Variants in NR5A2 observed in about 807,000 individuals in gnomAD.
The protein encoded by NR5A2 is CYP7A promoter-binding factor.
In NR5A2, 26 loss-of-function variants were observed where a neutral mutation model predicts 62.7. The ratio of observed to expected loss-of-function variants is 0.41; its 90% confidence interval spans 0.30 to 0.58. The LOEUF (loss-of-function observed/expected upper bound fraction) is 0.58. Ranked by LOEUF, NR5A2 falls within the 20% of genes least tolerant of loss-of-function variation. The pLI, the probability that NR5A2 is intolerant of heterozygous loss-of-function variation, is 0.22. For missense variants in NR5A2, 541 were observed against 669.1 expected, an observed-to-expected ratio of 0.81 and a Z score of 2.11; for synonymous variants, 246 against 241.7, an observed-to-expected ratio of 1.02 and a Z score of -0.16.
chr1:200,114,766 C>T (rs1666138253), intron 6 of NR5A2, among the ~76,000 whole-genome samples: 1 of 152,044 alleles, frequency 6.6e-6, no homozygotes, highest in South Asian at 2.1e-4. Flanking sequence ...GGAACCAAGG[C>T]AAAGAAAGAT....
Position 200,042,884 on chromosome 1 carries a change from C to T in NR5A2, c.203-890C>T, listed in dbSNP as rs938571935. ...TCGTGGGTCTGCGTCCGGAGCAAGGCGGTTACCCGATCCCGGCAGTGAGCC... is the reference window on the plus strand; with the variant it reads ...TCGTGGGTCTGCGTCCGGAGCAAGGTGGTTACCCGATCCCGGCAGTGAGCC... On this transcript the variant is annotated intron_variant, in intron 2 of 7. Coordinates refer to ENST00000367362, the MANE Select transcript of NR5A2 (RefSeq NM_205860.3). The T allele has an allele frequency of 5.1e-6, 5 of 985,386 alleles. No individual in the cohort carries two copies. The African/African-American group carries it at 8.7e-5, about 17-fold the overall frequency. 61.0% of individuals were successfully genotyped at this position (985,386 alleles called of 1,614,324 possible).
chr1:200,054,033 T>C (rs1662794217), intron 5 of NR5A2: 1 of 152,164 alleles, frequency 6.6e-6, no homozygotes, highest in South Asian at 2.1e-4. Context: ...TACGTATGCT[T>C]GTCGAGATAG....
chr1:200,036,136 G>A (rs1197007288), intron 1 of NR5A2, among the ~76,000 whole-genome samples: 1 of 152,120 alleles, frequency 6.6e-6, no homozygotes, highest in Non-Finnish European at 1.5e-5. Flanking sequence ...CGCTGGCGCC[G>A]GCGTTTAGAC....
intron 5 of NR5A2, among the ~76,000 whole-genome samples, chr1:200,096,348 A>G (rs1665097914): frequency 6.6e-6 from 1 of 152,170 alleles, no homozygotes; most frequent in Admixed American, 6.6e-5. Context: ...TCAGCCTCCC[A>G]AAGTGCTGAG....
At chr1:200,114,097 C>A (rs928160974) in intron 6 of NR5A2, among the ~76,000 whole-genome samples, 1 of 151,988 alleles carries the variant, frequency 6.6e-6, no homozygotes, top group Non-Finnish European at 1.5e-5. Context: ...GCAGGAGAAT[C>A]GCTTGAACCC....
rs79494953 is a variant in NR5A2 at position 200,129,922 on chromosome 1, T to C, written c.1378+8967T>C. On this transcript the variant is annotated intron_variant, in intron 7 of 7. Transcript: ENST00000367362. ...GAAAGGAAGTGTATGGGGGGCACTG[T>C]TGGAGTCTGAGTGCTCCCTTCCCTC... 1.9e-3 allele frequency among the ~76,000 whole-genome samples: 292 copies of C among 152,312 alleles called. 4 individuals are homozygous for C. The East Asian group carries it at 0.045, about 23-fold the overall frequency.
chr1:200,031,571 CTTTTTTTTTTTT>C (rs530174677), intron 1 of NR5A2, among the ~76,000 whole-genome samples: 3 of 89,532 alleles, frequency 3.4e-5, no homozygotes, highest in African/African-American at 1.4e-4. Flanking sequence ...TCTTTAACAC[CTTTTTTTTTTTT>C]TTTTTTTTTT....
chr1:200,053,567 A>ACG (rs201001808), intron 5 of NR5A2, among the ~76,000 whole-genome samples: 15,409 of 108,486 alleles, frequency 0.14, 894 homozygotes, highest in African/African-American at 0.2. Context: ...CAGCATGCAC[A>ACG]CGCACACACA....
intron 4 of NR5A2, among the ~76,000 whole-genome samples, chr1:200,046,983 A>G (rs1246820942): frequency 1.3e-5 from 2 of 152,222 alleles, no homozygotes; most frequent in Non-Finnish European, 2.9e-5. Context: ...TCCAGATGAA[A>G]AACTCTTTAT....
intron 5 of NR5A2, among the ~76,000 whole-genome samples, chr1:200,089,840 T>C (rs371810077): frequency 1.4e-4 from 21 of 152,356 alleles, no homozygotes; most frequent in African/African-American, 4.8e-4. Context: ...GGTTTGATCA[T>C]ATCACTCACA....
At chr1:200,146,939 T>C (rs886791524) in intron 7 of NR5A2, among the ~76,000 whole-genome samples, 20 of 150,340 alleles carry the variant, frequency 1.3e-4, no homozygotes, top group Non-Finnish European at 2.8e-4. Context: ...TATCCTTATG[T>C]ATGTATCCTT....
Position 200,094,524 on chromosome 1 carries a change from C to CTTTTTT in NR5A2, c.1111-16657_1111-16652dup, listed in dbSNP as rs373809748. On this transcript the variant is annotated intron_variant, in intron 5 of 7. Coordinates refer to ENST00000367362, the MANE Select transcript of NR5A2 (RefSeq NM_205860.3). Reference sequence around the variant, plus strand: ...TAAAATACACATCTATTAAATGCCACTTTTTTTTTTTTTTTTTTTTTTTTT... The same window carrying CTTTTTT: ...TAAAATACACATCTATTAAATGCCACTTTTTTTTTTTTTTTTTTTTTTTTTTTTTTT... Among the ~76,000 whole-genome samples, 35 of 59,812 alleles carry CTTTTTT rather than the reference C, an allele frequency of 5.9e-4. 6 individuals are homozygous for CTTTTTT. Among genetic ancestry groups the CTTTTTT allele is most frequent in the South Asian group, 1.5e-3 (2 of 1,310 alleles). The allele number at this position is 59,812 out of a possible 152,430, so 39.2% of individuals were successfully genotyped here.
In NR5A2 at chr1:200,027,855, C is replaced by G; in HGVS notation, c.8C>G (p.Ser3Cys). Reference protein sequence around the residue: MSSNSDTGDLQES... With the variant: MSCNSDTGDLQES... ...CCTATAATTTCACTAAGAATGTCTT[C>G]TAATTCAGATACTGGGGATTTACAA... Residue 3 changes from serine (S) to cysteine (C), a missense_variant, in exon 1 of 8, where the codon TCT (serine) becomes TGT (cysteine). By Grantham distance (112) the Ser-to-Cys change is moderately radical (BLOSUM62 -1). This residue lies in a region of NR5A2 where 108 missense variants were observed against 103.3 expected (regional missense o/e 1.05). Transcript: ENST00000367362. The G allele has an allele frequency of 1.2e-6, 2 of 1,603,888 alleles. No individual in the cohort carries two copies. Among genetic ancestry groups the G allele is most frequent in the Non-Finnish European group, 1.7e-6 (2 of 1,174,888 alleles).
intron 6 of NR5A2, among the ~76,000 whole-genome samples, chr1:200,113,852 G>A (rs1666077942): frequency 6.6e-6 from 1 of 152,092 alleles, no homozygotes; most frequent in Non-Finnish European, 1.5e-5. Context: ...AAGTATAAGA[G>A]TAAAGCAATA....
Position 200,092,569 on chromosome 1 carries a change from T to G in NR5A2, c.1111-18633T>G, listed in dbSNP as rs372135482. Among the ~76,000 whole-genome samples, 17 of 152,138 alleles carry G rather than the reference T, an allele frequency of 1.1e-4. No homozygotes were observed. The East Asian group carries it at 1.3e-3, about 12-fold the overall frequency. ...TAGCTCACGTGTGAATGGAGAGAGA[T>G]AGATAGCTTTCTGGGCCTGAGAATT... On this transcript the variant is annotated intron_variant, in intron 5 of 7. Coordinates refer to ENST00000367362, the MANE Select transcript of NR5A2 (RefSeq NM_205860.3).
intron 7 of NR5A2, among the ~76,000 whole-genome samples, chr1:200,157,263 A>G (rs1653431464): frequency 1.3e-5 from 2 of 152,222 alleles, no homozygotes; most frequent in Non-Finnish European, 2.9e-5. Flanking sequence ...AATCACTTCA[A>G]TGCAAGTATC....
At chr1:200,086,188 T>C (rs938595292) in intron 5 of NR5A2, among the ~76,000 whole-genome samples, 1 of 152,234 alleles carries the variant, frequency 6.6e-6, no homozygotes, top group Non-Finnish European at 1.5e-5. Context: ...CTTACTGTTG[T>C]TAAGACTTTC....
intron 5 of NR5A2, among the ~76,000 whole-genome samples, chr1:200,099,146 C>T (rs1479565543): frequency 6.6e-6 from 1 of 152,182 alleles, no homozygotes; most frequent in East Asian, 1.9e-4. Flanking sequence ...GGAATTCTCC[C>T]AGGAGCCTTT....
chr1:200,052,602 A>AT (rs1448329129), intron 5 of NR5A2, among the ~76,000 whole-genome samples: 3 of 151,714 alleles, frequency 2.0e-5, no homozygotes, highest in East Asian at 1.9e-4. Context: ...AAAATCACAT[A>AT]TTTGCTCCTA....
Sources: allele counts gnomAD v4.1 joint callset (sites outside exome capture counted in the v4.1 genomes callset), GRCh38; gene constraint gnomAD v4.1.1; regional missense constraint gnomAD v4.1.1; transcripts MANE v1.5; gene names NCBI Gene and HGNC (gene_info 2026-07-23, HGNC 2026-07-21).